The following HERC4 variants were observed in gnomAD, a reference collection of about 807,000 sequenced individuals.
HERC4 encodes the protein HECT and RLD domain containing E3 ubiquitin protein ligase 4.
A neutral mutation model predicts 124.3 loss-of-function variants in HERC4; 28 were observed. The ratio of observed to expected loss-of-function variants is 0.23; its 90% CI spans 0.17 to 0.31. HERC4 has a LOEUF of 0.31. Ranked by LOEUF, HERC4 falls within the 10% of genes least tolerant of loss-of-function variation. The pLI, the probability that HERC4 is intolerant of heterozygous loss-of-function variation, is 1.00. For missense variants in HERC4, 713 were observed against 1,229.3 expected (o/e 0.58, Z 6.28); for synonymous variants, 407 against 421.5 (o/e 0.97, Z 0.42).
At chr10:67,954,845 T>C in intron 18 of HERC4, 107 bp from the exon 19 acceptor site, 1 of 1,191,190 alleles carries the variant, frequency 8.4e-7, no homozygotes, top group East Asian at 2.9e-5. Flanking sequence ...ATTAATAGTT[T>C]AAAATAAATA....
At chr10:68,061,036 C>G (rs2040982657) in intron 3 of HERC4, among the ~76,000 whole-genome samples, 1 of 152,122 alleles carries the variant, frequency 6.6e-6, no homozygotes, top group African/African-American at 2.4e-5. Context: ...TTTAGCCTCA[C>G]CTCTTTCTTC....
chr10:68,002,317 A>G (rs2132949797), intron 9 of HERC4, among the ~76,000 whole-genome samples: 1 of 152,346 alleles, frequency 6.6e-6, no homozygotes, highest in Non-Finnish European at 1.5e-5. Flanking sequence ...AAAGAAAATC[A>G]GAATTCTGGT....
At position 68,062,597 on chromosome 10, in the gene HERC4, C is replaced by CAA. The variant is rs544019270; in HGVS notation, c.226+10284_226+10285dup. Among the ~76,000 whole-genome samples the CAA allele has an allele frequency of 1.1e-4, 16 of 140,560 alleles. No homozygotes were observed. The East Asian group carries it at 1.4e-3, about 13-fold the overall frequency. 92.2% of individuals were successfully genotyped at this position (140,560 alleles called of 152,430 possible). On this transcript the variant is annotated intron_variant, in intron 3 of 24. Transcript: ENST00000373700. Reference sequence around the variant, plus strand: ...TGAAACCCTGTCTCTACTAAAAATACAAAAAAAAAAAAATTAGCCGGGTGT... The same window carrying CAA: ...TGAAACCCTGTCTCTACTAAAAATACAAAAAAAAAAAAAAATTAGCCGGGTGT...
chr10:67,927,893 G>C (rs1019105706), intron 23 of HERC4, among the ~76,000 whole-genome samples: 2 of 152,024 alleles, frequency 1.3e-5, no homozygotes, highest in African/African-American at 2.4e-5. Flanking sequence ...CATTGTGGTG[G>C]GGGGAAGGAG....
chr10:68,034,797 G>C (rs2039372224), intron 5 of HERC4, among the ~76,000 whole-genome samples: 1 of 151,566 alleles, frequency 6.6e-6, no homozygotes, highest in Admixed American at 6.6e-5. Context: ...TAAACCTAGG[G>C]AGTCTTCCTT....
At chr10:67,925,764 G>A (rs987039838) in intron 23 of HERC4, among the ~76,000 whole-genome samples, 1 of 151,938 alleles carries the variant, frequency 6.6e-6, no homozygotes, top group African/African-American at 2.4e-5. Flanking sequence ...CACTCACTCT[G>A]GGGGAAACCA....
chr10:67,988,592 G>A (rs2036388826), intron 15 of HERC4, 71 bp downstream of exon 15: 1 of 1,005,552 alleles, frequency 9.9e-7, no homozygotes, highest in African/African-American at 1.7e-5. Flanking sequence ...ATAGATTAAT[G>A]TTAAAATGAA....
At chr10:67,960,571 G>A (rs1049382177) in intron 16 of HERC4, 8 of 154,206 alleles carry the variant, frequency 5.2e-5, no homozygotes, top group African/African-American at 1.7e-4. Flanking sequence ...TTTTAGTAGA[G>A]ATGGGGTTTC....
At chr10:67,953,239 A>C (rs1293360914) in intron 19 of HERC4, among the ~76,000 whole-genome samples, 1 of 152,226 alleles carries the variant, frequency 6.6e-6, no homozygotes, top group Non-Finnish European at 1.5e-5. Context: ...GCAATCCCTA[A>C]AAATAAGTTA....
chr10:68,038,224 T>G, intron 4 of HERC4, 55 bp from the exon 5 acceptor site: 1 of 839,630 alleles, frequency 1.2e-6, no homozygotes, highest in African/African-American at 1.8e-5. Flanking sequence ...CAAATTGATC[T>G]TGAATGCTAT....
At chr10:67,980,869 C>T (rs2035890013) in intron 15 of HERC4, among the ~76,000 whole-genome samples, 1 of 151,730 alleles carries the variant, frequency 6.6e-6, no homozygotes, top group South Asian at 2.1e-4. Flanking sequence ...ATCTGCAAGC[C>T]CCATGGTAAC....
In HERC4 at chr10:67,963,124, A is replaced by T. The variant is rs558345571; in HGVS notation, c.1926+3559T>A. On this transcript the variant is annotated intron_variant, in intron 16 of 24. Coordinates refer to ENST00000373700, the MANE Select transcript of HERC4 (RefSeq NM_015601.4). ...CTCATAAAAGTTACTCTGCTTTCTC[A>T]TCATACATATTTATGTTGTGAGTTA... is the stretch of plus-strand genomic sequence containing the variant. Among the ~76,000 whole-genome samples, 9 of 152,350 alleles carry T rather than the reference A, an allele frequency of 5.9e-5. 1 individual carries two copies. The South Asian group carries it at 1.7e-3, about 28-fold the overall frequency.
chr10:68,048,819 C>G (rs1032752675), intron 3 of HERC4, among the ~76,000 whole-genome samples: 4 of 152,034 alleles, frequency 2.6e-5, no homozygotes, highest in African/African-American at 9.7e-5. Context: ...AAACACTGCT[C>G]TAAAAAGAAA....
chr10:68,010,772 G>A, intron 9 of HERC4: 1 of 1,497,144 alleles, frequency 6.7e-7, no homozygotes, highest in South Asian at 1.2e-5. Context: ...AACCCCCAGG[G>A]TAAGCCCCAC....
intron 23 of HERC4, among the ~76,000 whole-genome samples, chr10:67,931,288 CT>C (rs1288758431): frequency 6.6e-6 from 1 of 151,822 alleles, no homozygotes; most frequent in Admixed American, 6.6e-5. Flanking sequence ...AGGGCCAGCA[CT>C]TTCTATTAAA....
chr10:68,006,643 G>A (rs1046019830), intron 9 of HERC4, among the ~76,000 whole-genome samples: 8 of 152,082 alleles, frequency 5.3e-5, no homozygotes, highest in African/African-American at 1.9e-4. Context: ...CTCCCAAAGT[G>A]GTGGGATTAT....
rs567828691 is a variant in HERC4 at position 68,072,606 on chromosome 10, T to A, written c.226+277A>T. Reference sequence around the variant, plus strand: ...AAGAGGACCTGCACACTACACACTCTGTACCAAAGATTTATATACTGCAGG... The same window carrying A: ...AAGAGGACCTGCACACTACACACTCAGTACCAAAGATTTATATACTGCAGG... On this transcript the variant is annotated intron_variant, in intron 3 of 24. Transcript: ENST00000373700. Among the ~76,000 whole-genome samples the A allele has an allele frequency of 2.6e-5, 4 of 152,204 alleles. No homozygotes were observed. The East Asian group carries it at 7.7e-4, about 29-fold the overall frequency.
At chr10:68,052,200 A>G (rs900512149) in intron 3 of HERC4, among the ~76,000 whole-genome samples, 10 of 152,232 alleles carry the variant, frequency 6.6e-5, no homozygotes, top group African/African-American at 2.4e-4. Context: ...CAGATGAAAC[A>G]TATCCACTTT....
At chr10:68,032,997 T>C (rs1269139534) in intron 6 of HERC4, 128 bp from the exon 7 acceptor site, 6 of 618,346 alleles carry the variant, frequency 9.7e-6, no homozygotes, top group Non-Finnish European at 1.8e-5. Flanking sequence ...GATTCGATGA[T>C]TTTGTAGTAC....
Sources: allele counts gnomAD v4.1 joint callset (sites outside exome capture counted in the v4.1 genomes callset), GRCh38; gene constraint gnomAD v4.1.1; transcripts MANE v1.5; gene names NCBI Gene and HGNC (gene_info 2026-07-23, HGNC 2026-07-21).